Variants in PAX2 observed in about 807,000 individuals in gnomAD.
The protein encoded by PAX2 is paired box protein Pax-2.
In PAX2, 9 loss-of-function variants were observed where a neutral mutation model predicts 41.7. The ratio of observed to expected loss-of-function variants is 0.22; its 90% CI spans 0.13 to 0.38. PAX2 has a LOEUF of 0.38. Ranked by LOEUF, PAX2 falls within the 10% of genes least tolerant of loss-of-function variation. PAX2 has a pLI of 1.00. For missense variants in PAX2, 418 were observed against 531.6 expected (o/e 0.79, Z 2.10); for synonymous variants, 221 against 212.7 (o/e 1.04, Z -0.34).
chr10:100,775,044 G>A (rs1402686216), intron 3 of PAX2, among the ~76,000 whole-genome samples: 1 of 152,200 alleles, frequency 6.6e-6, no homozygotes. Context: ...ACCCTGGCAG[G>A]GCAGTCTCTC....
chr10:100,812,685 C>G (rs563931810), intron 7 of PAX2, among the ~76,000 whole-genome samples: 5 of 152,326 alleles, frequency 3.3e-5, no homozygotes, highest in East Asian at 1.9e-4. Context: ...CTTGACCCCC[C>G]CTCCCCATGT....
rs779676010 is a variant in PAX2, at chr10:100,827,135, C to A, written c.1108+40C>A. 2.0e-6 allele frequency: 3 copies of A among 1,524,492 alleles called. No homozygotes were observed. The highest frequency in any genetic ancestry group is 2.2e-5 in the South Asian group (2 of 89,236). 94.4% of individuals were successfully genotyped at this position (1,524,492 alleles called of 1,614,324 possible). ...TGGCTGGCCGGCGGCTCAGCGCGGC[C>A]GCGCGGCTTCTGGGCACGGTCCCAC... On this transcript the variant is annotated intron_variant, in intron 9 of 9. Coordinates refer to ENST00000355243, the MANE Select transcript of PAX2 (RefSeq NM_000278.5). The surrounding 1 kb of genome is among the most constrained non-coding windows in gnomAD (Gnocchi z 8.5).
intron 3 of PAX2, among the ~76,000 whole-genome samples, chr10:100,768,376 A>T (rs1187470666): frequency 2.0e-5 from 3 of 152,222 alleles, no homozygotes; most frequent in Non-Finnish European, 4.4e-5. Flanking sequence ...TGGAAACTAG[A>T]TAGATGAAAA....
At chr10:100,772,643 A>G (rs1383121717) in intron 3 of PAX2, among the ~76,000 whole-genome samples, 2 of 152,194 alleles carry the variant, frequency 1.3e-5, no homozygotes, top group African/African-American at 4.8e-5. Flanking sequence ...ACCAGGGATT[A>G]AATATTTTCT....
chr10:100,787,043 G>A (rs760748761), intron 5 of PAX2: 31 of 1,278,832 alleles, frequency 2.4e-5, no homozygotes, highest in African/African-American at 6.1e-5. Context: ...TGGCGTGGGG[G>A]TCAAGGGAAA....
intron 5 of PAX2, among the ~76,000 whole-genome samples, chr10:100,789,996 T>G (rs1240722013): frequency 6.6e-6 from 1 of 152,258 alleles, no homozygotes; most frequent in Non-Finnish European, 1.5e-5. Context: ...TAGCCCTGGC[T>G]GTGTGGATCA....
chr10:100,762,450 A>G (rs1845873098), intron 3 of PAX2, among the ~76,000 whole-genome samples: 1 of 152,196 alleles, frequency 6.6e-6, no homozygotes, highest in Admixed American at 6.5e-5. Context: ...GAATAAACAA[A>G]TGTCCCTTGC....
At position 100,827,708 on chromosome 10, in the gene PAX2, C is replaced by T. The variant is rs749301288; in HGVS notation, c.*89C>T. The stretch of plus-strand genomic sequence containing the variant: ...ACCCCACCCCGGAGGGAGGGAGGAC[C>T]GACGCGACGCGATGCCTCCCGGCCA... On this transcript the variant is annotated 3_prime_UTR_variant, in exon 10 of 10. Transcript: ENST00000355243. This position sits in a 1 kb window ranked among gnomAD's most constrained non-coding sequence, Gnocchi z 8.5. 6.2e-7 allele frequency: 1 copy of T among 1,608,882 alleles called. No homozygotes were observed. The highest frequency in any genetic ancestry group is 8.5e-7 in the Non-Finnish European group (1 of 1,177,340).
intron 5 of PAX2, among the ~76,000 whole-genome samples, chr10:100,796,575 G>A (rs1393252497): frequency 1.3e-5 from 2 of 152,024 alleles, no homozygotes; most frequent in African/African-American, 4.8e-5. Flanking sequence ...TGAGCTTATA[G>A]AAGCAGAATT....
At chr10:100,744,214 C>T (rs893958183), upstream of PAX2, among the ~76,000 whole-genome samples, 19 of 152,350 alleles carry the variant, frequency 1.2e-4, no homozygotes, top group Admixed American at 3.3e-4. Flanking sequence ...CCGCGGGGCG[C>T]CCGGAGCTGC....
At chr10:100,771,088 G>A (rs1846195362) in intron 3 of PAX2, among the ~76,000 whole-genome samples, 1 of 152,218 alleles carries the variant, frequency 6.6e-6, no homozygotes, top group Non-Finnish European at 1.5e-5. Flanking sequence ...TTCTAATGCA[G>A]GTAGTTCAAG....
intron 7 of PAX2, 150 bp downstream of exon 7, chr10:100,809,386 G>A (rs1847915378): frequency 1.3e-6 from 1 of 777,816 alleles, no homozygotes; most frequent in Non-Finnish European, 2.1e-6. Context: ...TTCCTGAACA[G>A]GGGTGTGCAG....
intron 7 of PAX2, among the ~76,000 whole-genome samples, chr10:100,810,018 G>T (rs112194839): frequency 6.6e-6 from 1 of 152,172 alleles, no homozygotes. Context: ...GGAGAGACAC[G>T]CATTGAGGTG....
rs1451044772 is a variant in PAX2 at position 100,809,266 on chromosome 10, C to A, written c.919+30C>A. 3.1e-6 allele frequency: 5 copies of A among 1,607,500 alleles called. No individual in the cohort carries two copies. In the African/African-American group the frequency reaches 6.7e-5, roughly 21 times the overall value. On this transcript the variant is annotated intron_variant, in intron 7 of 9. Transcript: ENST00000355243. ...GGGGGCTTCCAGGAGGGTGGGGGCACTGCGTTCAGTGGAGGGTGCCTCAGC... is the reference window on the plus strand; with the variant it reads ...GGGGGCTTCCAGGAGGGTGGGGGCAATGCGTTCAGTGGAGGGTGCCTCAGC...
At chr10:100,819,416 A>G (rs530545493) in intron 7 of PAX2, among the ~76,000 whole-genome samples, 87 of 152,096 alleles carry the variant, frequency 5.7e-4, no homozygotes, top group South Asian at 1.2e-3. Flanking sequence ...TAAAAAATAT[A>G]AAAATTAGCC....
At chr10:100,807,667 G>T (rs539135286) in intron 6 of PAX2, among the ~76,000 whole-genome samples, 2 of 152,140 alleles carry the variant, frequency 1.3e-5, no homozygotes, top group East Asian at 3.9e-4. Context: ...ACCCACATAC[G>T]CTGGGTGGAG....
rs1848590284 is a variant in PAX2 at position 100,826,946 on chromosome 10, C to A, written c.1022-63C>A. 10 of 1,151,522 alleles carry A rather than the reference C, an allele frequency of 8.7e-6. No homozygotes were observed. The highest frequency in any genetic ancestry group is 1.2e-5 in the Non-Finnish European group (9 of 765,222). The allele number at this position is 1,151,522 out of a possible 1,614,324, so 71.3% of individuals were successfully genotyped here. A position where few individuals can be genotyped will look rare whatever the true frequency, so the allele number is the denominator to read the frequency against. On this transcript the variant is annotated intron_variant, in intron 8 of 9. Coordinates refer to ENST00000355243, the MANE Select transcript of PAX2 (RefSeq NM_000278.5). This position sits in a 1 kb window ranked among gnomAD's most constrained non-coding sequence, Gnocchi z 5.5. ...AGGAGCGGGCGGAGAAGCCACCGGC[C>A]GGACTCGTGGGGTCCGCCCTGGCTT...
chr10:100,771,462 TA>T (rs1846207575), intron 3 of PAX2, among the ~76,000 whole-genome samples: 1 of 152,238 alleles, frequency 6.6e-6, no homozygotes. Context: ...AGGCCTGCCT[TA>T]AAGGAAGCCA....
At position 100,750,508 on chromosome 10, in the gene PAX2, C is replaced by T. The variant is rs1845400368; in HGVS notation, c.213-186C>T. Among the ~76,000 whole-genome samples, 1 of 152,216 alleles carries T rather than the reference C, an allele frequency of 6.6e-6. No individual in the cohort carries two copies. The highest frequency in any genetic ancestry group is 2.4e-5 in the African/African-American group (1 of 41,462). ...CCCTGGAGGGATGGTACCCCTTGTC[C>T]TCCTACTCCGCGGCGCTCCTCCTAG... On this transcript the variant is annotated intron_variant, in intron 2 of 9. Transcript: ENST00000355243. This position sits in a 1 kb window ranked among gnomAD's most constrained non-coding sequence, Gnocchi z 4.1.
Sources: gnomAD v4.1 joint callset for allele counts (sites outside exome capture counted in the v4.1 genomes callset) on GRCh38, gnomAD v4.1.1 for gene constraint, Gnocchi (gnomAD v3.1) non-coding constraint, MANE v1.5 for transcripts, NCBI Gene and HGNC (gene_info 2026-07-23, HGNC 2026-07-21) for gene names.